PARP11: variants seen among roughly 807,000 people sequenced by gnomAD.
PARP11 encodes the protein protein mono-ADP-ribosyltransferase PARP11.
PARP11 carries 31 observed loss-of-function variants against 42.9 expected under a neutral mutation model. The ratio of observed to expected loss-of-function variants is 0.72; its 90% CI spans 0.54 to 0.98. The LOEUF (loss-of-function observed/expected upper bound fraction) is 0.98. Ranked by LOEUF, PARP11 falls within the 50% of genes least tolerant of loss-of-function variation. PARP11 has a pLI of 0.00. For synonymous variants in PARP11, 137 were observed against 127.3 expected (o/e 1.08, Z -0.51); for missense variants, 365 against 413.1 (o/e 0.88, Z 1.01).
intron 1 of PARP11, among the ~76,000 whole-genome samples, chr12:3,855,212 A>C (rs892904640): frequency 6.6e-6 from 1 of 152,244 alleles, no homozygotes; most frequent in Non-Finnish European, 1.5e-5. Flanking sequence ...ATTCCCTTTG[A>C]AAACTGGCAC....
intron 1 of PARP11, among the ~76,000 whole-genome samples, chr12:3,869,262 T>A (rs1468385364): frequency 6.6e-6 from 1 of 152,268 alleles, no homozygotes; most frequent in Non-Finnish European, 1.5e-5. Context: ...TGGGTATTAA[T>A]ATGTGGATAT....
intron 1 of PARP11, among the ~76,000 whole-genome samples, chr12:3,851,129 T>C (rs539441162): frequency 3.6e-4 from 55 of 152,060 alleles, no homozygotes; most frequent in Non-Finnish European, 7.1e-4. Context: ...AGATACAGCA[T>C]TGGGGGTCCA....
At position 3,840,801 on chromosome 12, in the gene PARP11, A is replaced by G; in HGVS notation, c.19-10783T>C. 4.4e-6 allele frequency: 7 copies of G among 1,586,726 alleles called. No individual in the cohort carries two copies. Among genetic ancestry groups the G allele is most frequent in the Non-Finnish European group, 6.1e-6 (7 of 1,155,000 alleles). ...ATATTACTGATGATAAATATGCAAC[A>G]GTTTCATCACCATCAAAGTCAAAGA... is the stretch of plus-strand genomic sequence containing the variant. On this transcript the variant is annotated intron_variant, in intron 1 of 7. Transcript: ENST00000228820. This position sits in a 1 kb window ranked among gnomAD's most constrained non-coding sequence, Gnocchi z 4.4.
intron 1 of PARP11, among the ~76,000 whole-genome samples, chr12:3,869,208 C>G (rs556793507): frequency 6.6e-6 from 1 of 152,292 alleles, no homozygotes; most frequent in Non-Finnish European, 1.5e-5. Flanking sequence ...AGCTGATTAG[C>G]TAATTACCTC....
At chr12:3,818,589 C>T (rs940987040) in intron 6 of PARP11, among the ~76,000 whole-genome samples, 4 of 152,196 alleles carry the variant, frequency 2.6e-5, no homozygotes, top group Admixed American at 2.6e-4. Flanking sequence ...CCCACATTAG[C>T]TGTCTTCTCA....
intron 1 of PARP11, among the ~76,000 whole-genome samples, chr12:3,834,777 C>G (rs1295600327): frequency 1.3e-5 from 2 of 149,636 alleles, no homozygotes; most frequent in Non-Finnish European, 3.0e-5. Context: ...CAAGAAGAGC[C>G]CTCTTAGATC....
chr12:3,867,005 G>A lies in PARP11; in HGVS notation c.18+6207C>T, dbSNP rs192706213. Among the ~76,000 whole-genome samples, 9 of 152,222 alleles carry A rather than the reference G, an allele frequency of 5.9e-5. No individual in the cohort carries two copies. The East Asian group carries it at 1.5e-3, about 26-fold the overall frequency. ...TCCTTGACACATATACAGTATATAA[G>A]GTAAAAGTACTCAACAACTTTTTGT... is the stretch of plus-strand genomic sequence containing the variant. On this transcript the variant is annotated intron_variant, in intron 1 of 7. Coordinates refer to ENST00000228820, the MANE Select transcript of PARP11 (RefSeq NM_020367.6).
chr12:3,872,823 G>A (rs1948514811), intron 1 of PARP11: 1 of 985,152 alleles, frequency 1.0e-6, no homozygotes, highest in Non-Finnish European at 1.2e-6. Flanking sequence ...GCAGTCGGGA[G>A]GCTGAGGCAC....
chr12:3,843,950 G>A (rs964587665), intron 1 of PARP11, among the ~76,000 whole-genome samples: 1 of 152,180 alleles, frequency 6.6e-6, no homozygotes, highest in Non-Finnish European at 1.5e-5. Context: ...CAGATGCGGT[G>A]ACTTTCTTTT....
At chr12:3,820,550 A>T (rs1850346568) in intron 6 of PARP11, among the ~76,000 whole-genome samples, 1 of 152,210 alleles carries the variant, frequency 6.6e-6, no homozygotes, top group South Asian at 2.1e-4. Flanking sequence ...CTAGGGAGTC[A>T]CTGGTACATT....
intron 4 of PARP11, among the ~76,000 whole-genome samples, 180 bp from the exon 5 acceptor site, chr12:3,822,337 G>A (rs961432377): frequency 1.3e-5 from 2 of 151,954 alleles, no homozygotes; most frequent in Admixed American, 6.6e-5. Flanking sequence ...GGTGGCTCAC[G>A]CCTGTAATCC....
intron 6 of PARP11, among the ~76,000 whole-genome samples, chr12:3,819,785 C>T (rs1947357723): frequency 6.6e-6 from 1 of 152,210 alleles, no homozygotes; most frequent in South Asian, 2.1e-4. Context: ...ACTAAGGCTA[C>T]TAAAGACGAT....
At position 3,824,851 on chromosome 12, in the gene PARP11, C is replaced by A. The variant is rs758606394; in HGVS notation, c.344+1307G>T. Among the ~76,000 whole-genome samples the A allele has an allele frequency of 8.1e-4, 123 of 152,162 alleles. 1 individual carries two copies. Among genetic ancestry groups the A allele is most frequent in the South Asian group, 2.3e-3 (11 of 4,822 alleles). On this transcript the variant is annotated intron_variant, in intron 4 of 7. Coordinates refer to ENST00000228820, the MANE Select transcript of PARP11 (RefSeq NM_020367.6). ...TAATTCTTTTATTATATTATTTGTA[C>A]TAAAGAATGTGGATATGACGTAGCT... is the stretch of plus-strand genomic sequence containing the variant.
rs201575698 is a variant in PARP11 at position 3,861,180 on chromosome 12, G to A, written c.18+12032C>T. Among the ~76,000 whole-genome samples, 29 of 152,274 alleles carry A rather than the reference G, an allele frequency of 1.9e-4. No homozygotes were observed. In the East Asian group the frequency reaches 5.4e-3, roughly 28 times the overall value. On this transcript the variant is annotated intron_variant, in intron 1 of 7. Transcript: ENST00000228820. The surrounding 1 kb of genome is among the most constrained non-coding windows in gnomAD (Gnocchi z 4.6). ...AAAATGAATGTAATTTGCATGCAAC[G>A]AAGACACAAATTTTTCGTGGAGGGA...
chr12:3,873,127 G>T, intron 1 of PARP11, 85 bp downstream of exon 1: 6 of 1,258,948 alleles, frequency 4.8e-6, no homozygotes, highest in Non-Finnish European at 4.5e-6. Context: ...AAGCGAGCGC[G>T]GGGAAGCAGT....
intron 1 of PARP11, among the ~76,000 whole-genome samples, chr12:3,844,519 G>T (rs1043600940): frequency 6.6e-6 from 1 of 152,140 alleles, no homozygotes; most frequent in African/African-American, 2.4e-5. Flanking sequence ...TTTGATCTCA[G>T]GAGTCCAAAA....
intron 1 of PARP11, chr12:3,842,361 A>G (rs1429208091): frequency 1.2e-6 from 2 of 1,612,074 alleles, no homozygotes; most frequent in Non-Finnish European, 1.7e-6. Flanking sequence ...GTAGGGGCGG[A>G]TATCAACATG....
At chr12:3,872,856 A>G in intron 1 of PARP11, 1 of 967,100 alleles carries the variant, frequency 1.0e-6, no homozygotes, top group Non-Finnish European at 1.2e-6. Context: ...AACCCGGGAG[A>G]CGGAGGTTGC....
intron 1 of PARP11, chr12:3,841,015 G>C: frequency 1.3e-6 from 2 of 1,588,670 alleles, no homozygotes; most frequent in East Asian, 4.5e-5. Flanking sequence ...TCCAATTCCT[G>C]GTCGGTCAGT....
Sources: allele counts gnomAD v4.1 joint callset (sites outside exome capture counted in the v4.1 genomes callset), GRCh38; gene constraint gnomAD v4.1.1; non-coding constraint Gnocchi (gnomAD v3.1); transcripts MANE v1.5; gene names NCBI Gene and HGNC (gene_info 2026-07-23, HGNC 2026-07-21).